Variants in EHF observed in about 807,000 individuals in gnomAD.
EHF encodes ESE3 transcription factor.
EHF carries 14 observed loss-of-function variants against 45.1 expected under a neutral mutation model. That is an observed-to-expected ratio of 0.31 (90% CI 0.21 to 0.49). EHF has a LOEUF of 0.49. Ranked by LOEUF, EHF falls within the 20% of genes least tolerant of loss-of-function variation. EHF has a pLI of 0.99. For synonymous variants in EHF, 136 were observed against 131.8 expected (o/e 1.03, Z -0.22); for missense variants, 282 against 371.4 (o/e 0.76, Z 1.98).
chr11:34,632,841 G>A lies in EHF; in HGVS notation c.-3-9787G>A, dbSNP rs528637295. Among the ~76,000 whole-genome samples the A allele has an allele frequency of 5.3e-5, 8 of 152,184 alleles. No homozygotes were observed. The East Asian group carries it at 7.7e-4, about 15-fold the overall frequency. On this transcript the variant is annotated intron_variant, in intron 1 of 8. Coordinates refer to ENST00000257831, the MANE Select transcript of EHF (RefSeq NM_012153.6). ...TCTATGTTTTGTTAACTATTGTATCGCCAGCACCTAGCAAAGTGCCCAGCA... is the reference window on the plus strand; with the variant it reads ...TCTATGTTTTGTTAACTATTGTATCACCAGCACCTAGCAAAGTGCCCAGCA...
chr11:34,629,311 T>C (rs1852662889), intron 1 of EHF, among the ~76,000 whole-genome samples: 1 of 152,180 alleles, frequency 6.6e-6, no homozygotes, highest in Non-Finnish European at 1.5e-5. Flanking sequence ...TTCATGATTT[T>C]ATTTTACAGA....
chr11:34,653,998 G>A (rs1268762083), intron 6 of EHF, among the ~76,000 whole-genome samples: 2 of 152,172 alleles, frequency 1.3e-5, no homozygotes, highest in Non-Finnish European at 2.9e-5. Context: ...AGCCTGTCAT[G>A]CCAGCTCGGG....
In EHF at chr11:34,651,983, G is replaced by T. The variant is rs568603558; in HGVS notation, c.544+178G>T. Among the ~76,000 whole-genome samples the T allele has an allele frequency of 5.3e-5, 8 of 152,324 alleles. No individual in the cohort carries two copies. In the East Asian group the frequency reaches 1.5e-3, roughly 29 times the overall value. On this transcript the variant is annotated intron_variant, in intron 6 of 8. Transcript: ENST00000257831. Reference sequence around the variant, plus strand: ...GAGGCAATATTTGTACATCGAAGATGACCCGTAGGGATCCTCTAGGCAAAA... The same window carrying T: ...GAGGCAATATTTGTACATCGAAGATTACCCGTAGGGATCCTCTAGGCAAAA...
rs1169070097 is a variant in EHF at position 34,659,694 on chromosome 11, C to G, written c.*763C>G. On this transcript the variant is annotated 3_prime_UTR_variant, in exon 9 of 9. Transcript: ENST00000257831. ...TCTAGCTATTTAAGAGAGAACCCAG[C>G]TTGGTTCTTTTTTGCTCCAAGTGCT... 1 of 152,146 alleles carries G rather than the reference C, an allele frequency of 6.6e-6. No homozygotes were observed. The highest frequency in any genetic ancestry group is 1.5e-5 in the Non-Finnish European group (1 of 68,022). 9.4% of individuals were successfully genotyped at this position (152,146 alleles called of 1,614,324 possible).
At position 34,646,578 on chromosome 11, in the gene EHF, C is replaced by T. The variant is rs1173298637; in HGVS notation, c.237C>T (p.Asp79=). Residue 79 remains aspartate, a synonymous_variant, in exon 3 of 9, where the codon GAC becomes GAT. Coordinates refer to ENST00000257831, the MANE Select transcript of EHF (RefSeq NM_012153.6). ...DANCIPFQEF[D]INGEHLCSMS... is the part of the protein sequence containing the mutation. ...ATTGTATCCCTTTCCAAGAGTTCGACATCAACGGCGAGCACCTCTGCAGCA... is the reference window on the plus strand; with the variant it reads ...ATTGTATCCCTTTCCAAGAGTTCGATATCAACGGCGAGCACCTCTGCAGCA... 1.9e-6 allele frequency: 3 copies of T among 1,613,592 alleles called. No homozygotes were observed. Among genetic ancestry groups the T allele is most frequent in the East Asian group, 2.2e-5 (1 of 44,890 alleles).
chr11:34,635,330 C>T (rs1260736961), intron 1 of EHF, among the ~76,000 whole-genome samples: 3 of 151,958 alleles, frequency 2.0e-5, no homozygotes, highest in East Asian at 1.9e-4. Context: ...TTAGGAATCC[C>T]GAGGCTGAGC....
At chr11:34,636,332 A>C (rs1853400140) in intron 1 of EHF, among the ~76,000 whole-genome samples, 1 of 152,188 alleles carries the variant, frequency 6.6e-6, no homozygotes, top group Non-Finnish European at 1.5e-5. Flanking sequence ...CCCCATTAGG[A>C]AATTGGCAAA....
chr11:34,635,393 G>A (rs1853284709), intron 1 of EHF, among the ~76,000 whole-genome samples: 1 of 150,760 alleles, frequency 6.6e-6, no homozygotes, highest in South Asian at 2.1e-4. Context: ...CAGTGGCCCA[G>A]GGTTTTTTCT....
intron 6 of EHF, among the ~76,000 whole-genome samples, chr11:34,654,466 G>C (rs1565045573): frequency 6.6e-6 from 1 of 152,180 alleles, no homozygotes; most frequent in African/African-American, 2.4e-5. Flanking sequence ...ACTGCAACAG[G>C]CAGAGAGGTC....
chr11:34,625,615 C>A (rs190719712), intron 1 of EHF, among the ~76,000 whole-genome samples: 1 of 152,156 alleles, frequency 6.6e-6, no homozygotes, highest in Admixed American at 6.5e-5. Context: ...CTGGAGAAAC[C>A]AGAACTTGCA....
chr11:34,662,885 C>A lies in EHF; in HGVS notation c.*3954C>A, dbSNP rs1856173391. Reference sequence around the variant, plus strand: ...ATGAATGAAAGAACATCACAGTAATCACAATATCAGAGCTGAATTATCCTC... The same window carrying A: ...ATGAATGAAAGAACATCACAGTAATAACAATATCAGAGCTGAATTATCCTC... On this transcript the variant is annotated 3_prime_UTR_variant, in exon 9 of 9. Coordinates refer to ENST00000257831, the MANE Select transcript of EHF (RefSeq NM_012153.6). Among the ~76,000 whole-genome samples the A allele has an allele frequency of 6.6e-6, 1 of 151,930 alleles. No homozygotes were observed. Among genetic ancestry groups the A allele is most frequent in the Admixed American group, 6.6e-5 (1 of 15,242 alleles).
chr11:34,644,753 C>G (rs571665380), intron 2 of EHF, among the ~76,000 whole-genome samples: 3 of 152,332 alleles, frequency 2.0e-5, no homozygotes, highest in Admixed American at 1.3e-4. Context: ...TTAAACCTTT[C>G]TGAGGCCTTT....
chr11:34,629,010 G>C (rs1238473444), intron 1 of EHF, among the ~76,000 whole-genome samples: 1 of 152,174 alleles, frequency 6.6e-6, no homozygotes, highest in Non-Finnish European at 1.5e-5. Context: ...CCTGCCTCTG[G>C]TTATGGTGAA....
Position 34,659,087 on chromosome 11 carries a change from G to A in EHF, c.*156G>A, listed in dbSNP as rs286890. 592,100 of 593,580 alleles carry A rather than the reference G, an allele frequency of 1. 295,323 individuals are homozygous for A. Among genetic ancestry groups the A allele is most frequent in the East Asian group, 1 (34,244 of 34,244 alleles). 36.8% of individuals were successfully genotyped at this position (593,580 alleles called of 1,614,324 possible). ...TTCTAACGGGAAGAAGAAACACTAC[G>A]GTCGATTAAAAAAATTATTTTGTTA... On this transcript the variant is annotated 3_prime_UTR_variant, in exon 9 of 9. Transcript: ENST00000257831.
chr11:34,641,184 C>T (rs569396046), intron 1 of EHF, among the ~76,000 whole-genome samples: 1 of 152,244 alleles, frequency 6.6e-6, no homozygotes, highest in East Asian at 1.9e-4. Flanking sequence ...TTTCCTTCTC[C>T]ACCTTCTACT....
intron 2 of EHF, among the ~76,000 whole-genome samples, chr11:34,644,518 T>C (rs1445470640): frequency 6.6e-6 from 1 of 152,238 alleles, no homozygotes. Context: ...TGTTTCGCCA[T>C]GAGGTACGAG....
intron 1 of EHF, among the ~76,000 whole-genome samples, chr11:34,641,051 A>G (rs1853950769): frequency 6.6e-6 from 1 of 152,162 alleles, no homozygotes; most frequent in Non-Finnish European, 1.5e-5. Context: ...AAGGCTTGGA[A>G]TCGACCCCAG....
At position 34,662,114 on chromosome 11, in the gene EHF, T is replaced by A. The variant is rs1041291618; in HGVS notation, c.*3183T>A. Reference sequence around the variant, plus strand: ...TAGCTCTTTGAGGACAGGGACTATGTCTTATCAATCACTATTATTTTCCTG... The same window carrying A: ...TAGCTCTTTGAGGACAGGGACTATGACTTATCAATCACTATTATTTTCCTG... On this transcript the variant is annotated 3_prime_UTR_variant, in exon 9 of 9. Coordinates refer to ENST00000257831, the MANE Select transcript of EHF (RefSeq NM_012153.6). 2.0e-5 allele frequency among the ~76,000 whole-genome samples: 3 copies of A among 152,118 alleles called. No individual in the cohort carries two copies. The highest frequency in any genetic ancestry group is 7.2e-5 in the African/African-American group (3 of 41,438).
At chr11:34,622,990 C>T (rs561005625) in intron 1 of EHF, among the ~76,000 whole-genome samples, 20 of 152,194 alleles carry the variant, frequency 1.3e-4, no homozygotes, top group African/African-American at 9.6e-5. Context: ...GGTAGGGTGA[C>T]GTGTTTGATT....
Sources: allele counts gnomAD v4.1 joint callset (sites outside exome capture counted in the v4.1 genomes callset), GRCh38; gene constraint gnomAD v4.1.1; transcripts MANE v1.5; gene names NCBI Gene and HGNC (gene_info 2026-07-23, HGNC 2026-07-21).